RORA: variants seen among roughly 807,000 people sequenced by gnomAD.
RORA encodes RAR related orphan receptor A.
In RORA, 7 loss-of-function variants were observed where a neutral mutation model predicts 69.5. The ratio of observed to expected loss-of-function variants is 0.10; its 90% CI spans 0.06 to 0.19. The LOEUF (loss-of-function observed/expected upper bound fraction) is 0.19, where lower values mean the gene tolerates loss of function less well. RORA is among the 10% of genes least tolerant of loss of function. The probability of loss-of-function intolerance (pLI) is 1.00; values close to 1 mark genes in which losing one functional copy is unlikely to be tolerated. For missense variants in RORA, 457 were observed against 663.0 expected (o/e 0.69, Z 3.41); for synonymous variants, 261 against 240.8 (o/e 1.08, Z -0.78).
At chr15:60,977,136 T>C (rs1169222893) in intron 1 of RORA, among the ~76,000 whole-genome samples, 2 of 149,200 alleles carry the variant, frequency 1.3e-5, no homozygotes, top group East Asian at 2.0e-4. Flanking sequence ...AAAAAACCTA[T>C]AGCGCCACCA....
intron 1 of RORA, among the ~76,000 whole-genome samples, chr15:60,924,558 T>C (rs1049162930): frequency 7.2e-5 from 11 of 152,028 alleles, no homozygotes; most frequent in African/African-American, 2.2e-4. Context: ...GTATCTGTAA[T>C]GGAATAGAAA....
At position 60,666,085 on chromosome 15, in the gene RORA, C is replaced by G. The variant is rs145057602; in HGVS notation, c.196+12572G>C. Reference sequence around the variant, plus strand: ...GTATGTATACACACACATACAGACACACTTATTTAAAATCTACGGGTATTA... The same window carrying G: ...GTATGTATACACACACATACAGACAGACTTATTTAAAATCTACGGGTATTA... On this transcript the variant is annotated intron_variant, in intron 2 of 10. Coordinates refer to ENST00000335670, the MANE Select transcript of RORA (RefSeq NM_134261.3). 3.9e-4 allele frequency among the ~76,000 whole-genome samples: 60 copies of G among 151,994 alleles called. No homozygotes were observed. In the East Asian group the frequency reaches 0.01, roughly 25 times the overall value.
chr15:61,039,248 T>C (rs1462828179), intron 1 of RORA: 2 of 152,124 alleles, frequency 1.3e-5, no homozygotes, highest in Non-Finnish European at 2.9e-5. Flanking sequence ...TCCCTAAAAA[T>C]GCTTGGGAGA....
chr15:60,752,735 G>A (rs1567178646), intron 1 of RORA, among the ~76,000 whole-genome samples: 1 of 148,652 alleles, frequency 6.7e-6, no homozygotes, highest in African/African-American at 2.5e-5. Context: ...GTAAACGAAA[G>A]AGGAACAGAG....
In RORA at chr15:61,006,421, G is replaced by A. The variant is rs1894917330; in HGVS notation, c.166+222632C>T. Reference sequence around the variant, plus strand: ...CTTCTGACTCGTTGGAACTCAGAAGGTGTCAAGAAGAGGGAGAAAGTAACT... The same window carrying A: ...CTTCTGACTCGTTGGAACTCAGAAGATGTCAAGAAGAGGGAGAAAGTAACT... On this transcript the variant is annotated intron_variant, in intron 1 of 10. Transcript: ENST00000335670. Among the ~76,000 whole-genome samples, 3 of 152,130 alleles carry A rather than the reference G, an allele frequency of 2.0e-5. No homozygotes were observed. In the South Asian group the frequency reaches 6.2e-4, roughly 32 times the overall value.
intron 2 of RORA, among the ~76,000 whole-genome samples, chr15:60,659,683 A>C (rs1181026230): frequency 6.6e-6 from 1 of 152,222 alleles, no homozygotes; most frequent in Non-Finnish European, 1.5e-5. Context: ...ACCCAAAGTG[A>C]TCAAACCCCA....
intron 1 of RORA, among the ~76,000 whole-genome samples, chr15:60,948,839 T>C (rs903383229): frequency 2.0e-5 from 3 of 152,220 alleles, no homozygotes; most frequent in Admixed American, 2.0e-4. Flanking sequence ...AGAACCTGTT[T>C]CTATTCTCTC....
At chr15:61,107,737 G>C (rs2078965241) in intron 1 of RORA, among the ~76,000 whole-genome samples, 1 of 151,914 alleles carries the variant, frequency 6.6e-6, no homozygotes, top group African/African-American at 2.4e-5. Context: ...TTTCTTGAAA[G>C]ACATTAGAAA....
At chr15:61,112,018 C>G (rs2079010594) in intron 1 of RORA, among the ~76,000 whole-genome samples, 1 of 152,174 alleles carries the variant, frequency 6.6e-6, no homozygotes, top group Admixed American at 6.5e-5. Context: ...TTAGACAGTA[C>G]CTGAGTAACT....
intron 1 of RORA, among the ~76,000 whole-genome samples, chr15:60,926,663 AGT>A (rs1892227084): frequency 6.6e-6 from 1 of 152,224 alleles, no homozygotes; most frequent in African/African-American, 2.4e-5. Context: ...GATGCTCCTT[AGT>A]CTCGTTTATA....
Position 60,493,085 on chromosome 15 carries a change from A to T in RORA, c.*4370T>A, listed in dbSNP as rs1418583026. ...GATTGTCATTCACAGTAAGTCAATT[A>T]TAAGGTGCTTATTTACCCTTGTTTT... On this transcript the variant is annotated 3_prime_UTR_variant, in exon 11 of 11. Transcript: ENST00000335670. 6 of 152,180 alleles carry T rather than the reference A, an allele frequency of 3.9e-5. No homozygotes were observed. The highest frequency in any genetic ancestry group is 8.8e-5 in the Non-Finnish European group (6 of 68,020). The allele number at this position is 152,180 out of a possible 1,614,324, so 9.4% of individuals were successfully genotyped here.
intron 2 of RORA, chr15:60,592,640 G>A (rs1044701333): frequency 1.1e-5 from 13 of 1,133,292 alleles, no homozygotes; most frequent in Non-Finnish European, 1.4e-5. Context: ...GGCGGGAGGC[G>A]GGAGGCGGGA....
intron 2 of RORA, chr15:60,630,374 T>A (rs904623543): frequency 6.6e-6 from 1 of 152,156 alleles, no homozygotes; most frequent in Non-Finnish European, 1.5e-5. Context: ...AAGAGTGGTG[T>A]GTCTTGTCTT....
At chr15:61,068,337 C>A (rs1026662923) in intron 1 of RORA, among the ~76,000 whole-genome samples, 5 of 152,196 alleles carry the variant, frequency 3.3e-5, no homozygotes, top group East Asian at 1.9e-4. Flanking sequence ...GTCTATAGTT[C>A]TCCATTCAGA....
At chr15:61,214,090 A>G (rs911422869) in intron 1 of RORA, 2 of 152,348 alleles carry the variant, frequency 1.3e-5, no homozygotes, top group African/African-American at 2.4e-5. Flanking sequence ...ACTGAGACCA[A>G]TGAGAAGATA....
chr15:60,942,806 C>T (rs190163967), intron 1 of RORA, among the ~76,000 whole-genome samples: 1 of 152,280 alleles, frequency 6.6e-6, no homozygotes, highest in East Asian at 1.9e-4. Context: ...GTGGGGAGGA[C>T]ACAGGCAACT....
chr15:60,730,982 G>A (rs535384710), intron 1 of RORA, among the ~76,000 whole-genome samples: 6 of 152,028 alleles, frequency 3.9e-5, no homozygotes, highest in East Asian at 3.9e-4. Context: ...GTTGTTGTAC[G>A]GAATATTTCA....
chr15:61,163,422 T>G (rs1477943990), intron 1 of RORA, among the ~76,000 whole-genome samples: 1 of 152,096 alleles, frequency 6.6e-6, no homozygotes, highest in Non-Finnish European at 1.5e-5. Flanking sequence ...TTCTGCCAGG[T>G]AAAGGCCTCC....
chr15:61,226,899 G>A lies in RORA; in HGVS notation c.166+2154C>T, dbSNP rs962173937. Among the ~76,000 whole-genome samples the A allele has an allele frequency of 1.3e-5, 2 of 152,074 alleles. No individual in the cohort carries two copies. The highest frequency in any genetic ancestry group is 4.8e-5 in the African/African-American group (2 of 41,400). On this transcript the variant is annotated intron_variant, in intron 1 of 10. Coordinates refer to ENST00000335670, the MANE Select transcript of RORA (RefSeq NM_134261.3). This position sits in a 1 kb window ranked among gnomAD's most constrained non-coding sequence, Gnocchi z 4.2. ...TGGGGGCAGAGGGTGGGGGGAAGGG[G>A]ATATGGGTCAGCAGGTCAGCTGTGC...
Sources: allele counts gnomAD v4.1 joint callset (sites outside exome capture counted in the v4.1 genomes callset), GRCh38; gene constraint gnomAD v4.1.1; non-coding constraint Gnocchi (gnomAD v3.1); transcripts MANE v1.5; gene names NCBI Gene and HGNC (gene_info 2026-07-23, HGNC 2026-07-21).